GRIA1: variants seen among roughly 807,000 people sequenced by gnomAD.
GRIA1 encodes glutamate ionotropic receptor AMPA type subunit 1.
A neutral mutation model predicts 99.2 loss-of-function variants in GRIA1; 31 were observed. That is an observed-to-expected ratio of 0.31 (90% CI 0.23 to 0.42). The LOEUF (loss-of-function observed/expected upper bound fraction) is 0.42. Among genes scored for constraint, GRIA1 ranks in the 10% least tolerant of loss-of-function variants. The probability of loss-of-function intolerance (pLI) is 1.00; values close to 1 mark genes in which losing one functional copy is unlikely to be tolerated. For synonymous variants in GRIA1, 438 were observed against 432.4 expected (o/e 1.01, Z -0.16); for missense variants, 782 against 1,157.5 (o/e 0.68, Z 4.71).
intron 13 of GRIA1, among the ~76,000 whole-genome samples, chr5:153,794,315 A>G (rs1418110050): frequency 6.6e-6 from 1 of 152,224 alleles, no homozygotes; most frequent in East Asian, 1.9e-4. Context: ...AGAAAAAAAG[A>G]AAGAAAAAGA....
chr5:153,645,061 T>C (rs1754045626), intron 2 of GRIA1, among the ~76,000 whole-genome samples: 1 of 152,122 alleles, frequency 6.6e-6, no homozygotes, highest in Admixed American at 6.5e-5. Context: ...GTTTTGTCTT[T>C]GTTGTTTAAA....
chr5:153,583,698 A>G (rs1209513543), intron 2 of GRIA1, among the ~76,000 whole-genome samples: 1 of 152,160 alleles, frequency 6.6e-6, no homozygotes, highest in Non-Finnish European at 1.5e-5. Context: ...TTCAGGAGAT[A>G]CCCAAAACAT....
intron 2 of GRIA1, among the ~76,000 whole-genome samples, chr5:153,623,122 G>A (rs1767222136): frequency 6.6e-6 from 1 of 152,158 alleles, no homozygotes; most frequent in Non-Finnish European, 1.5e-5. Context: ...TAAGGCAAGG[G>A]CAGAAAATGG....
intron 2 of GRIA1, among the ~76,000 whole-genome samples, chr5:153,501,358 T>C (rs994735568): frequency 3.3e-5 from 5 of 152,160 alleles, no homozygotes; most frequent in African/African-American, 1.2e-4. Flanking sequence ...CATGATTCTA[T>C]GAAAGCATAT....
rs185728377 is a variant in GRIA1 at position 153,562,959 on chromosome 5, C to T, written c.220+68894C>T. On this transcript the variant is annotated intron_variant, in intron 2 of 15. Coordinates refer to ENST00000285900, the MANE Select transcript of GRIA1 (RefSeq NM_000827.4). ...TTGGGAGGCTGAGGCGTGTGGATCA[C>T]GAGATCAAGAGATTGAGACCATCCC... 3.6e-3 allele frequency among the ~76,000 whole-genome samples: 548 copies of T among 152,180 alleles called. 2 individuals carry two copies. Among genetic ancestry groups the T allele is most frequent in the Admixed American group, 5.4e-3 (83 of 15,282 alleles).
chr5:153,669,316 T>G (rs116698973), intron 5 of GRIA1, among the ~76,000 whole-genome samples: 2,337 of 152,312 alleles, frequency 0.015, 62 homozygotes, highest in African/African-American at 0.051. Flanking sequence ...TTGAATAAAG[T>G]TATATAATGC....
In GRIA1 at chr5:153,567,699, A is replaced by G. The variant is rs559367967; in HGVS notation, c.220+73634A>G. On this transcript the variant is annotated intron_variant, in intron 2 of 15. Transcript: ENST00000285900. ...ATGACCTGAAGACAGAGTCCACCTT[A>G]TGGGAAGCAGTGGAGCAAAAGCATT... Among the ~76,000 whole-genome samples, 4 of 152,324 alleles carry G rather than the reference A, an allele frequency of 2.6e-5. No homozygotes were observed. In the East Asian group the frequency reaches 7.7e-4, roughly 29 times the overall value.
intron 2 of GRIA1, among the ~76,000 whole-genome samples, chr5:153,592,916 G>A (rs1346218473): frequency 6.6e-6 from 1 of 152,148 alleles, no homozygotes; most frequent in Non-Finnish European, 1.5e-5. Flanking sequence ...GAGAAATTGA[G>A]TCTCTTTCTC....
intron 2 of GRIA1, among the ~76,000 whole-genome samples, chr5:153,547,242 T>G (rs940910363): frequency 5.3e-5 from 8 of 152,148 alleles, no homozygotes; most frequent in African/African-American, 2.4e-5. Context: ...AGACAATGCT[T>G]CTTCTTTCAA....
chr5:153,511,332 G>T (rs1756051931), intron 2 of GRIA1, among the ~76,000 whole-genome samples: 2 of 152,204 alleles, frequency 1.3e-5, no homozygotes, highest in South Asian at 4.1e-4. Flanking sequence ...GCAGGTGCAG[G>T]TGCAGTCACA....
rs1326659431 is a variant in GRIA1, at chr5:153,686,306, A to G, written c.1111A>G (p.Met371Val). 3.1e-6 allele frequency: 5 copies of G among 1,613,634 alleles called. No homozygotes were observed. The highest frequency in any genetic ancestry group is 4.2e-6 in the Non-Finnish European group (5 of 1,179,660). ...CAACTACACGCTCCACGTGATTGAA[A>G]TGAAACATGACGGCATCCGAAAGGT... ...RTNYTLHVIE[M>V]KHDGIRKIGY... Residue 371 changes from methionine (M) to valine (V), a missense_variant, in exon 8 of 16, where the codon ATG becomes GTG. Met to Val is a conservative substitution (Grantham distance 21). Transcript: ENST00000285900.
At chr5:153,599,480 A>G (rs1764707242) in intron 2 of GRIA1, among the ~76,000 whole-genome samples, 1 of 152,160 alleles carries the variant, frequency 6.6e-6, no homozygotes, top group Admixed American at 6.5e-5. Flanking sequence ...AGTCCTTTAT[A>G]TAACATGGCG....
At chr5:153,679,828 A>T (rs910349305) in intron 7 of GRIA1, among the ~76,000 whole-genome samples, 1 of 152,240 alleles carries the variant, frequency 6.6e-6, no homozygotes, top group Non-Finnish European at 1.5e-5. Flanking sequence ...TCTATAAGTT[A>T]GGCCAAGAGG....
intron 2 of GRIA1, among the ~76,000 whole-genome samples, chr5:153,570,424 TC>T (rs1762012535): frequency 6.6e-6 from 1 of 152,210 alleles, no homozygotes; most frequent in African/African-American, 2.4e-5. Context: ...AATGGCTCAA[TC>T]CATTTGAGTT....
chr5:153,738,034 T>G (rs1475702398), intron 11 of GRIA1, among the ~76,000 whole-genome samples: 4 of 152,176 alleles, frequency 2.6e-5, no homozygotes, highest in Non-Finnish European at 5.9e-5. Context: ...AAACTGGGGC[T>G]GAGGGACAGG....
chr5:153,745,270 C>T (rs1435084388), intron 11 of GRIA1, among the ~76,000 whole-genome samples: 2 of 148,904 alleles, frequency 1.3e-5, no homozygotes, highest in African/African-American at 2.5e-5. Flanking sequence ...GACTGTATGC[C>T]TCCCATCAAG....
intron 5 of GRIA1, among the ~76,000 whole-genome samples, chr5:153,659,389 A>G (rs1041751044): frequency 2.0e-5 from 3 of 152,170 alleles, no homozygotes; most frequent in South Asian, 4.1e-4. Context: ...CTATGCCACT[A>G]TCTCTCACAG....
intron 3 of GRIA1, among the ~76,000 whole-genome samples, chr5:153,649,572 C>T (rs1754401403): frequency 2.0e-5 from 3 of 152,178 alleles, no homozygotes; most frequent in Admixed American, 2.0e-4. Context: ...ATTCTCCTGC[C>T]TCAGCCTACC....
intron 5 of GRIA1, among the ~76,000 whole-genome samples, chr5:153,658,001 T>C (rs1755080248): frequency 6.6e-6 from 1 of 152,074 alleles, no homozygotes; most frequent in South Asian, 2.1e-4. Context: ...AGAGCGGACT[T>C]AGGAAGTCAA....
Sources: gnomAD v4.1 joint callset for allele counts (sites outside exome capture counted in the v4.1 genomes callset) on GRCh38, gnomAD v4.1.1 for gene constraint, MANE v1.5 for transcripts, NCBI Gene and HGNC (gene_info 2026-07-23, HGNC 2026-07-21) for gene names.